Variants in FCHO2 observed in about 807,000 individuals in gnomAD.
The protein encoded by FCHO2 is FCH and mu domain containing endocytic adaptor 2, also known as F-BAR domain only protein 2.
FCHO2 carries 43 observed loss-of-function variants against 114.1 expected under a neutral mutation model. That is an observed-to-expected ratio of 0.38 (90% confidence interval 0.30 to 0.49). The LOEUF (loss-of-function observed/expected upper bound fraction) is 0.49, where lower values mean the gene tolerates loss of function less well. Ranked by LOEUF, FCHO2 falls within the 20% of genes least tolerant of loss-of-function variation. FCHO2 has a pLI of 0.97. For missense variants in FCHO2, 807 were observed against 950.4 expected (o/e 0.85, Z 1.98); for synonymous variants, 293 against 315.2 (o/e 0.93, Z 0.75).
intron 8 of FCHO2, chr5:73,021,015 G>C: frequency 7.3e-7 from 1 of 1,370,308 alleles, no homozygotes; most frequent in East Asian, 2.3e-5. Flanking sequence ...CAATGGGGTG[G>C]AAATGAGCCA....
chr5:73,040,396 C>T (rs537338798), intron 10 of FCHO2, among the ~76,000 whole-genome samples: 1 of 152,250 alleles, frequency 6.6e-6, no homozygotes, highest in South Asian at 2.1e-4. Context: ...ATTAGGGATG[C>T]TCAGCCTGCT....
Position 73,040,298 on chromosome 5 carries a change from G to C in FCHO2, c.915-993G>C, listed in dbSNP as rs539052379. ...TCCTAAACCGAAAATCCCAAAGCCA[G>C]AATGTTCCAATGAACATTTTGTTTG... is the stretch of plus-strand genomic sequence containing the variant. On this transcript the variant is annotated intron_variant, in intron 10 of 25. Coordinates refer to ENST00000430046, the MANE Select transcript of FCHO2 (RefSeq NM_138782.3). 9.2e-5 allele frequency among the ~76,000 whole-genome samples: 14 copies of C among 152,272 alleles called. No individual in the cohort carries two copies. In the East Asian group the frequency reaches 2.5e-3, roughly 27 times the overall value.
At chr5:72,997,864 A>G (rs1215629302) in intron 5 of FCHO2, among the ~76,000 whole-genome samples, 1 of 152,182 alleles carries the variant, frequency 6.6e-6, no homozygotes, top group African/African-American at 2.4e-5. Context: ...TTCACACTCC[A>G]TGTGTGAATG....
At chr5:72,977,911 C>T (rs1333818677) in intron 2 of FCHO2, among the ~76,000 whole-genome samples, 4 of 152,062 alleles carry the variant, frequency 2.6e-5, no homozygotes, top group Non-Finnish European at 5.9e-5. Flanking sequence ...TCAGGTTTGT[C>T]GAAGATCAGA....
At chr5:73,014,863 G>T (rs1380681287) in intron 6 of FCHO2, among the ~76,000 whole-genome samples, 1 of 151,900 alleles carries the variant, frequency 6.6e-6, no homozygotes, top group African/African-American at 2.4e-5. Context: ...TGGATCATGA[G>T]GTCAGGAGAT....
intron 2 of FCHO2, among the ~76,000 whole-genome samples, chr5:72,975,834 A>G (rs1220905539): frequency 6.6e-6 from 1 of 152,034 alleles, no homozygotes; most frequent in African/African-American, 2.4e-5. Flanking sequence ...GCTGAATAAT[A>G]TTTTGTTGTC....
At chr5:73,080,513 T>A (rs1691710290) in intron 22 of FCHO2, among the ~76,000 whole-genome samples, 1 of 152,210 alleles carries the variant, frequency 6.6e-6, no homozygotes, top group Non-Finnish European at 1.5e-5. Flanking sequence ...AGGAGGAAAT[T>A]AATTACTATA....
chr5:73,068,144 A>T (rs538734095), intron 18 of FCHO2, among the ~76,000 whole-genome samples: 1 of 152,230 alleles, frequency 6.6e-6, no homozygotes, highest in Non-Finnish European at 1.5e-5. Flanking sequence ...GAAAGCTCAG[A>T]TAATACTAAA....
At chr5:72,983,941 A>G (rs541839876) in intron 2 of FCHO2, among the ~76,000 whole-genome samples, 233 of 151,798 alleles carry the variant, frequency 1.5e-3, no homozygotes, top group Non-Finnish European at 1.8e-3. Context: ...CGTGTGTTCA[A>G]CTCGAGTGAC....
chr5:73,000,931 A>G (rs549871879), intron 5 of FCHO2, among the ~76,000 whole-genome samples: 25 of 152,236 alleles, frequency 1.6e-4, no homozygotes, highest in African/African-American at 6.0e-4. Flanking sequence ...AATAATGACT[A>G]TAAAGATTGT....
chr5:72,969,599 C>A (rs1436007703), intron 2 of FCHO2, among the ~76,000 whole-genome samples: 1 of 152,214 alleles, frequency 6.6e-6, no homozygotes, highest in Non-Finnish European at 1.5e-5. Flanking sequence ...ACTACTATCA[C>A]TGTCTACTTT....
intron 24 of FCHO2, among the ~76,000 whole-genome samples, chr5:73,083,106 G>T (rs1175118082): frequency 1.3e-5 from 2 of 151,648 alleles, no homozygotes; most frequent in Admixed American, 6.6e-5. Context: ...GGATGGTCTC[G>T]ATCTCCTGAC....
intron 11 of FCHO2, among the ~76,000 whole-genome samples, chr5:73,049,792 G>A (rs1757256634): frequency 1.3e-5 from 2 of 152,106 alleles, no homozygotes; most frequent in African/African-American, 4.8e-5. Context: ...CTCCCAGCTA[G>A]ATTATTTTTA....
intron 2 of FCHO2, among the ~76,000 whole-genome samples, chr5:72,970,824 A>G (rs1036441814): frequency 5.4e-4 from 82 of 152,184 alleles, no homozygotes; most frequent in African/African-American, 1.8e-3. Context: ...AGCATTAGGT[A>G]TATCTCCCAA....
At chr5:73,040,062 G>A (rs1756733141) in intron 10 of FCHO2, among the ~76,000 whole-genome samples, 1 of 151,754 alleles carries the variant, frequency 6.6e-6, no homozygotes, top group African/African-American at 2.4e-5. Flanking sequence ...AATTTTTTCA[G>A]TCTGTTTTAT....
chr5:73,013,929 T>G (rs959995975), intron 6 of FCHO2, among the ~76,000 whole-genome samples: 10 of 148,972 alleles, frequency 6.7e-5, no homozygotes, highest in Non-Finnish European at 1.5e-4. Context: ...CATGATCAGC[T>G]GGCCTCGGCC....
intron 24 of FCHO2, among the ~76,000 whole-genome samples, chr5:73,086,866 T>G (rs963008206): frequency 1.3e-5 from 2 of 152,346 alleles, no homozygotes; most frequent in South Asian, 2.1e-4. Context: ...TTTCGTTAAA[T>G]GCATCATGCT....
rs181948338 is a variant in FCHO2 at position 72,994,621 on chromosome 5, C to A, written c.495+3757C>A. ...CAGAACTACCATTCACCCCAGCAGT[C>A]CCATTACTGGATATATCCCCAAAGG... On this transcript the variant is annotated intron_variant, in intron 5 of 25. Transcript: ENST00000430046. Among the ~76,000 whole-genome samples the A allele has an allele frequency of 3.1e-3, 476 of 152,298 alleles. 2 individuals are homozygous for A. In the Middle Eastern group the frequency reaches 0.034, roughly 11 times the overall value.
intron 1 of FCHO2, among the ~76,000 whole-genome samples, chr5:72,958,396 C>T (rs1467261860): frequency 6.6e-6 from 1 of 152,118 alleles, no homozygotes; most frequent in Non-Finnish European, 1.5e-5. Flanking sequence ...CATTCTTTTG[C>T]AATTGTGTAT....
Sources: allele counts gnomAD v4.1 joint callset (sites outside exome capture counted in the v4.1 genomes callset), GRCh38; gene constraint gnomAD v4.1.1; transcripts MANE v1.5; gene names NCBI Gene and HGNC (gene_info 2026-07-23, HGNC 2026-07-21).